ADAP2: variants seen among roughly 807,000 people sequenced by gnomAD.
ADAP2 encodes the protein ArfGAP with dual PH domains 2.
Under a neutral mutation model 54.9 loss-of-function variants are expected in ADAP2, and 42 were observed. That is an observed-to-expected ratio of 0.77 (90% CI 0.60 to 0.99). ADAP2 has a LOEUF of 0.99. Ranked by LOEUF, ADAP2 falls within the 50% of genes least tolerant of loss-of-function variation. The pLI is 0.00. For synonymous variants in ADAP2, 177 were observed against 180.1 expected (o/e 0.98, Z 0.14); for missense variants, 429 against 480.4 (o/e 0.89, Z 1.00).
At chr17:30,954,272 G>A in intron 8 of ADAP2, 1 of 530,958 alleles carries the variant, frequency 1.9e-6, no homozygotes, top group Non-Finnish European at 3.4e-6. Flanking sequence ...GTATGGTGGG[G>A]TTGGAAGGGG....
chr17:30,932,461 C>G (rs750334476), intron 4 of ADAP2, among the ~76,000 whole-genome samples: 41 of 151,740 alleles, frequency 2.7e-4, no homozygotes, highest in Non-Finnish European at 5.0e-4. Flanking sequence ...ACCATGTTGC[C>G]CAGGCTGGTC....
chr17:30,923,003 G>T lies in ADAP2; in HGVS notation c.158G>T (p.Arg53Leu). Residue 53 changes from arginine to leucine, a missense_variant, in exon 2 of 11, where the codon CGT (arginine) becomes CTT (leucine). Physicochemically the swap from Arg to Leu is moderately radical, Grantham distance 102. Transcript: ENST00000330889. ...FICLNCCGVH[R>L]NFPDISRVKS... is the part of the protein sequence containing the mutation. Reference sequence around the variant, plus strand: ...TGTCTCAACTGCTGCGGCGTCCACCGTAACTTCCCTGACATCAGCAGAGTT... The same window carrying T: ...TGTCTCAACTGCTGCGGCGTCCACCTTAACTTCCCTGACATCAGCAGAGTT... 1 of 1,614,056 alleles carries T rather than the reference G, an allele frequency of 6.2e-7. No individual in the cohort carries two copies. The highest frequency in any genetic ancestry group is 1.1e-5 in the South Asian group (1 of 91,068).
Position 30,922,114 on chromosome 17 carries a change from G to C in ADAP2, c.94+6G>C. ...CGCCGACTGCGGGGCGGCAGGTAAG[G>C]GCGCGGCGGCGCGGGCAGCGCGAGA... is the stretch of plus-strand genomic sequence containing the variant. On this transcript the variant is annotated splice_donor_region_variant and intron_variant, in intron 1 of 10. Coordinates refer to ENST00000330889, the MANE Select transcript of ADAP2 (RefSeq NM_018404.3). 1 of 1,236,900 alleles carries C rather than the reference G, an allele frequency of 8.1e-7. No individual in the cohort carries two copies. The highest frequency in any genetic ancestry group is 1.0e-6 in the Non-Finnish European group (1 of 990,602). The allele number at this position is 1,236,900 out of a possible 1,614,324, so 76.6% of individuals were successfully genotyped here.
chr17:30,946,112 G>A (rs891026317), intron 6 of ADAP2, among the ~76,000 whole-genome samples: 6 of 151,766 alleles, frequency 4.0e-5, no homozygotes, highest in South Asian at 2.1e-4. Flanking sequence ...CCGAGATGGC[G>A]CCACTGCACT....
chr17:30,959,144 G>A lies in ADAP2; in HGVS notation c.*1275G>A, dbSNP rs1227013232. ...CTGTGAACTCTGTTGGGTGTACTCTGCTAAGTTCTGGGGATGAGGAAATTA... is the reference window on the plus strand; with the variant it reads ...CTGTGAACTCTGTTGGGTGTACTCTACTAAGTTCTGGGGATGAGGAAATTA... On this transcript the variant is annotated 3_prime_UTR_variant, in exon 11 of 11. Coordinates refer to ENST00000330889, the MANE Select transcript of ADAP2 (RefSeq NM_018404.3). 1 of 152,162 alleles carries A rather than the reference G, an allele frequency of 6.6e-6. No homozygotes were observed. The highest frequency in any genetic ancestry group is 1.5e-5 in the Non-Finnish European group (1 of 68,048). The allele number at this position is 152,162 out of a possible 1,614,324, so 9.4% of individuals were successfully genotyped here.
intron 5 of ADAP2, among the ~76,000 whole-genome samples, chr17:30,941,024 A>G (rs1912233872): frequency 6.6e-6 from 1 of 152,174 alleles, no homozygotes; most frequent in African/African-American, 2.4e-5. Context: ...TGGTAAAGCC[A>G]TGTTTCATCT....
chr17:30,940,868 A>G (rs769912306), intron 5 of ADAP2, among the ~76,000 whole-genome samples: 4 of 152,158 alleles, frequency 2.6e-5, no homozygotes, highest in African/African-American at 4.8e-5. Context: ...GGCCCTCTAG[A>G]AAGTCAACAA....
Position 30,953,418 on chromosome 17 carries a change from G to A in ADAP2, c.804+68G>A, listed in dbSNP as rs892942822. On this transcript the variant is annotated intron_variant, in intron 8 of 10. Transcript: ENST00000330889. The stretch of plus-strand genomic sequence containing the variant: ...TATATAGAAGGTTTCATGTGTTTAT[G>A]GGATGATTGTTAAGAGGACAGTGAA... 4 of 1,508,548 alleles carry A rather than the reference G, an allele frequency of 2.7e-6. No individual in the cohort carries two copies. The African/African-American group carries it at 5.5e-5, about 21-fold the overall frequency. The allele number at this position is 1,508,548 out of a possible 1,614,324, so 93.4% of individuals were successfully genotyped here.
rs903237766 is a variant in ADAP2, at chr17:30,924,504, G to C, written c.225+1434G>C. Among the ~76,000 whole-genome samples the C allele has an allele frequency of 3.3e-5, 5 of 152,182 alleles. No individual in the cohort carries two copies. The East Asian group carries it at 7.7e-4, about 23-fold the overall frequency. ...GACCACTTTGCTCTCCTGCCCTCTG[G>C]GGGTGGAGGATACCCTCAGCCTGCA... On this transcript the variant is annotated intron_variant, in intron 2 of 10. Transcript: ENST00000330889.
chr17:30,925,476 C>G (rs1184341697), intron 2 of ADAP2, among the ~76,000 whole-genome samples: 1 of 152,174 alleles, frequency 6.6e-6, no homozygotes, highest in African/African-American at 2.4e-5. Context: ...CAGGTGTGAG[C>G]TACAGCGCCC....
chr17:30,922,096 T>G lies in ADAP2; in HGVS notation c.82T>G (p.Cys28Gly). 2.4e-6 allele frequency: 3 copies of G among 1,250,826 alleles called. No homozygotes were observed. The highest frequency in any genetic ancestry group is 2.0e-6 in the Non-Finnish European group (2 of 999,642). 77.5% of individuals were successfully genotyped at this position (1,250,826 alleles called of 1,614,324 possible). A position where few individuals can be genotyped will look rare whatever the true frequency, so the allele number is the denominator to read the frequency against. The stretch of plus-strand genomic sequence containing the variant: ...CACAGGCAACGCGCACTGCGCCGAC[T>G]GCGGGGCGGCAGGTAAGGGCGCGGC... ...PDTGNAHCAD[C>G]GAADPDWASY... The change falls in exon 1 of 11, where the codon TGC becomes GGC. Residue 28 changes from cysteine to glycine, a missense_variant. By Grantham distance (159) the Cys-to-Gly change is radical. Coordinates refer to ENST00000330889, the MANE Select transcript of ADAP2 (RefSeq NM_018404.3).
At chr17:30,928,368 T>C (rs1490328025) in intron 3 of ADAP2, among the ~76,000 whole-genome samples, 1 of 151,816 alleles carries the variant, frequency 6.6e-6, no homozygotes, top group African/African-American at 2.4e-5. Flanking sequence ...TGGTGGTACA[T>C]GCCTGTAGTC....
chr17:30,932,235 T>A (rs866015228), intron 4 of ADAP2, among the ~76,000 whole-genome samples: 2 of 148,788 alleles, frequency 1.3e-5, no homozygotes, highest in African/African-American at 5.0e-5. Flanking sequence ...AGACTCTTTT[T>A]TTTTTTTTTT....
In ADAP2 at chr17:30,936,023, A is replaced by G. The variant is rs976261568; in HGVS notation, c.510+1726A>G. Among the ~76,000 whole-genome samples the G allele has an allele frequency of 3.9e-5, 6 of 152,240 alleles. No individual in the cohort carries two copies. The South Asian group carries it at 1.2e-3, about 32-fold the overall frequency. On this transcript the variant is annotated intron_variant, in intron 5 of 10. Coordinates refer to ENST00000330889, the MANE Select transcript of ADAP2 (RefSeq NM_018404.3). ...CAACTATCACCACAATTCAGTTAAA[A>G]ACTTTAAACACCTTATCCCTTAGCT...
intron 3 of ADAP2, among the ~76,000 whole-genome samples, chr17:30,928,312 A>G (rs144650748): frequency 0.019 from 2,854 of 151,890 alleles, 105 homozygotes; most frequent in African/African-American, 0.065. Context: ...CCCGGCCAAC[A>G]TAGTGAAACC....
At chr17:30,950,334 C>T (rs77904910) in intron 7 of ADAP2, among the ~76,000 whole-genome samples, 2,978 of 152,238 alleles carry the variant, frequency 0.02, 107 homozygotes, top group African/African-American at 0.067. Flanking sequence ...CAGGGAGACC[C>T]GCATGGTGTA....
At chr17:30,936,127 G>A (rs974868931) in intron 5 of ADAP2, among the ~76,000 whole-genome samples, 6 of 151,810 alleles carry the variant, frequency 4.0e-5, no homozygotes, top group South Asian at 2.1e-4. Context: ...TGCCTAATCT[G>A]GTTATTTTTA....
At chr17:30,956,758 G>A (rs74912327) in intron 10 of ADAP2, 4,776 of 437,114 alleles carry the variant, frequency 0.011, 197 homozygotes, top group African/African-American at 0.085. Flanking sequence ...CGGTGTGGGG[G>A]CTAAGCAGCT....
At chr17:30,951,946 C>T (rs1162307021) in intron 7 of ADAP2, among the ~76,000 whole-genome samples, 2 of 152,188 alleles carry the variant, frequency 1.3e-5, no homozygotes, top group African/African-American at 2.4e-5. Flanking sequence ...TGAGCCACTG[C>T]GCCTGGCCTA....
Sources: allele counts gnomAD v4.1 joint callset (sites outside exome capture counted in the v4.1 genomes callset), GRCh38; gene constraint gnomAD v4.1.1; transcripts MANE v1.5; gene names NCBI Gene and HGNC (gene_info 2026-07-23, HGNC 2026-07-21).